SCML2: variants seen among roughly 807,000 people sequenced by gnomAD.
SCML2 encodes sex comb on midleg-like protein 2.
In SCML2, 6 loss-of-function variants were observed where a neutral mutation model predicts 48.4. The observed-to-expected ratio is 0.12, with a 90% CI of 0.07 to 0.24. SCML2 has a LOEUF of 0.24. SCML2 is among the 10% of genes least tolerant of loss of function. The pLI is 1.00. For synonymous variants in SCML2, 181 were observed against 189.5 expected, an observed-to-expected ratio of 0.95 and a Z score of 0.37; for missense variants, 377 against 528.2, an observed-to-expected ratio of 0.71 and a Z score of 2.81.
At chrX:18,284,394 C>T (rs367823811) in intron 7 of SCML2, among the ~76,000 whole-genome samples, 4 of 111,689 alleles carry the variant, frequency 3.6e-5, no homozygotes, top group Non-Finnish European at 7.5e-5. Flanking sequence ...GCCAGTGCAA[C>T]GAAATTGACA....
chrX:18,251,463 C>T (rs1257530432), intron 11 of SCML2, among the ~76,000 whole-genome samples: 2 of 110,138 alleles, frequency 1.8e-5, no homozygotes, highest in African/African-American at 6.6e-5. Context: ...GACAATGAAA[C>T]CAATTAAAAA....
chrX:18,297,047 A>G lies in SCML2; in HGVS notation c.730+7925T>C, dbSNP rs1270695430. On this transcript the variant is annotated intron_variant, in intron 7 of 14. Coordinates refer to ENST00000251900, the MANE Select transcript of SCML2 (RefSeq NM_006089.3). ...ATCCAAACATAATACACCAAGATCAAGTAGGATTTGTCCCAAGGATGCAAC... is the reference window on the plus strand; with the variant it reads ...ATCCAAACATAATACACCAAGATCAGGTAGGATTTGTCCCAAGGATGCAAC... Among the ~76,000 whole-genome samples, 4 of 112,139 alleles carry G rather than the reference A, an allele frequency of 3.6e-5. No individual in the cohort carries two copies. In the Admixed American group the frequency reaches 3.8e-4, roughly 11 times the overall value.
intron 1 of SCML2, among the ~76,000 whole-genome samples, chrX:18,340,103 A>G (rs902892159): frequency 1.8e-5 from 2 of 112,489 alleles, no homozygotes; most frequent in South Asian, 7.3e-4. Flanking sequence ...TGAAATGTAC[A>G]ATGAATAATA....
At chrX:18,273,106 A>G (rs904801609) in intron 7 of SCML2, among the ~76,000 whole-genome samples, 16 of 111,351 alleles carry the variant, frequency 1.4e-4, no homozygotes, top group African/African-American at 5.2e-4. Context: ...AAATTCTTTA[A>G]GTCTCACATA....
At chrX:18,284,395 G>A (rs1286311735) in intron 7 of SCML2, among the ~76,000 whole-genome samples, 4 of 111,219 alleles carry the variant, frequency 3.6e-5, no homozygotes, top group Non-Finnish European at 7.6e-5. Context: ...CCAGTGCAAC[G>A]AAATTGACAA....
At position 18,265,700 on chromosome X, in the gene SCML2, T is replaced by C. The variant is rs773347755; in HGVS notation, c.833A>G (p.Gln278Arg). The change falls in exon 8 of 15, where the codon CAG (glutamine) becomes CGG (arginine). Residue 278 changes from glutamine to arginine, a missense_variant. Gln to Arg is a conservative substitution (Grantham distance 43, BLOSUM62 1). Around this residue, in one of 3 missense-constraint regions of SCML2, gnomAD observed 299 missense variants for 425.5 expected, o/e 0.70. Coordinates refer to ENST00000251900, the MANE Select transcript of SCML2 (RefSeq NM_006089.3). Reference protein sequence around the residue: ...PQKTTLILPTQQVRRSSRIKP... With the variant: ...PQKTTLILPTRQVRRSSRIKP... ...AATTCGACTTGATCTCCTGACCTGC[T>C]GTGTTGGTAATATTAGAGTAGTTTT... 1 of 1,210,321 alleles carries C rather than the reference T, an allele frequency of 8.3e-7. No homozygotes were observed. Among genetic ancestry groups the C allele is most frequent in the South Asian group, 1.8e-5 (1 of 56,946 alleles).
chrX:18,349,504 C>A (rs1569168188), intron 1 of SCML2, among the ~76,000 whole-genome samples: 1 of 112,950 alleles, frequency 8.9e-6, no homozygotes, highest in Non-Finnish European at 1.9e-5. Flanking sequence ...GTTAACACCT[C>A]TCCAGGCTGG....
chrX:18,313,584 T>A (rs970674218), intron 6 of SCML2, among the ~76,000 whole-genome samples: 2 of 111,540 alleles, frequency 1.8e-5, no homozygotes, highest in Non-Finnish European at 3.8e-5. Flanking sequence ...CCCTCCCACA[T>A]GCTTATTACA....
chrX:18,350,770 T>G (rs1177007859), intron 1 of SCML2, among the ~76,000 whole-genome samples: 2 of 111,036 alleles, frequency 1.8e-5, no homozygotes, highest in Non-Finnish European at 3.8e-5. Context: ...AAACTCTTTT[T>G]ATAAATGGTA....
intron 2 of SCML2, among the ~76,000 whole-genome samples, 168 bp downstream of exon 2, chrX:18,333,882 A>G (rs1469048634): frequency 8.9e-6 from 1 of 112,351 alleles, no homozygotes; most frequent in East Asian, 2.8e-4. Flanking sequence ...GCAAGGAAAG[A>G]CAATGACCTT....
At chrX:18,283,940 A>G (rs997283677) in intron 7 of SCML2, among the ~76,000 whole-genome samples, 6 of 112,283 alleles carry the variant, frequency 5.3e-5, no homozygotes, top group African/African-American at 1.6e-4. Flanking sequence ...AAACTATTCT[A>G]AAATTCATAC....
intron 7 of SCML2, among the ~76,000 whole-genome samples, chrX:18,290,530 T>C (rs909433469): frequency 2.7e-5 from 3 of 111,312 alleles, no homozygotes; most frequent in Non-Finnish European, 5.6e-5. Flanking sequence ...TTCAGACCAG[T>C]GTAGGTCATT....
At chrX:18,256,322 G>A (rs917540896) in intron 11 of SCML2, among the ~76,000 whole-genome samples, 1 of 110,912 alleles carries the variant, frequency 9.0e-6, no homozygotes, top group Admixed American at 9.6e-5. Flanking sequence ...CATGGTGGTG[G>A]GCGCCTGTAA....
intron 11 of SCML2, among the ~76,000 whole-genome samples, chrX:18,249,527 A>G (rs924762200): frequency 3.6e-5 from 4 of 111,293 alleles, no homozygotes; most frequent in African/African-American, 1.3e-4. Context: ...CCCCATCTCC[A>G]GGGCATCTGA....
chrX:18,340,735 A>T (rs943739615), intron 1 of SCML2, among the ~76,000 whole-genome samples: 1 of 106,896 alleles, frequency 9.4e-6, no homozygotes. Flanking sequence ...GCTTGAACCC[A>T]GGAGACAGAG....
intron 11 of SCML2, among the ~76,000 whole-genome samples, chrX:18,250,859 C>T (rs1926630795): frequency 9.0e-6 from 1 of 110,678 alleles, no homozygotes; most frequent in Non-Finnish European, 1.9e-5. Flanking sequence ...ACTCACAGTT[C>T]CACATGGCTG....
intron 6 of SCML2, among the ~76,000 whole-genome samples, chrX:18,310,115 T>C (rs1203024372): frequency 9.0e-6 from 1 of 111,728 alleles, no homozygotes; most frequent in Non-Finnish European, 1.9e-5. Context: ...GTCATCATCA[T>C]CGGTTCTTTA....
upstream of SCML2, chrX:18,354,707 C>T: frequency 3.8e-6 from 1 of 265,165 alleles, no homozygotes. Flanking sequence ...CCGCGCATGC[C>T]CCGCAACCGC....
chrX:18,329,463 A>T (rs1190423731), intron 3 of SCML2, among the ~76,000 whole-genome samples: 1 of 112,119 alleles, frequency 8.9e-6, no homozygotes, highest in Non-Finnish European at 1.9e-5. Context: ...TACAACAGAA[A>T]CACAAGGGGC....
Sources: gnomAD v4.1 joint callset for allele counts (sites outside exome capture counted in the v4.1 genomes callset) on GRCh38, gnomAD v4.1.1 for gene constraint, gnomAD v4.1.1 regional missense constraint, MANE v1.5 for transcripts, NCBI Gene and HGNC (gene_info 2026-07-23, HGNC 2026-07-21) for gene names.